Variants in RBP2 observed in about 807,000 individuals in gnomAD.
The protein encoded by RBP2 is retinol binding protein 2, also known as retinol-binding protein 2.
RBP2 carries 17 observed loss-of-function variants against 17.0 expected under a neutral mutation model. The ratio of observed to expected loss-of-function variants is 1.00; its 90% CI spans 0.68 to 1.50. The LOEUF is 1.50. Among genes scored for constraint, RBP2 ranks in the 40% most tolerant of loss-of-function variants. RBP2 has a pLI of 0.00. For synonymous variants in RBP2, 48 were observed against 57.1 expected, an observed-to-expected ratio of 0.84 and a Z score of 0.72; for missense variants, 158 against 168.2, an observed-to-expected ratio of 0.94 and a Z score of 0.33.
chr3:139,455,232 T>C (rs1312216469), intron 2 of RBP2, among the ~76,000 whole-genome samples: 1 of 152,128 alleles, frequency 6.6e-6, no homozygotes, highest in Non-Finnish European at 1.5e-5. Flanking sequence ...TTGATTTCCT[T>C]ATATATATAA....
chr3:139,467,438 A>G (rs73868221), intron 1 of RBP2, among the ~76,000 whole-genome samples: 1 of 152,186 alleles, frequency 6.6e-6, no homozygotes, highest in East Asian at 1.9e-4. Flanking sequence ...CCAAGTGATC[A>G]TGTGCATGCT....
intron 1 of RBP2, among the ~76,000 whole-genome samples, chr3:139,469,715 A>ATCTG: frequency 6.6e-6 from 1 of 151,636 alleles, no homozygotes; most frequent in Non-Finnish European, 1.5e-5. Flanking sequence ...CTATCTATCT[A>ATCTG]TCTATCTATC....
chr3:139,464,085 A>T (rs989514475), intron 1 of RBP2, among the ~76,000 whole-genome samples: 12 of 151,922 alleles, frequency 7.9e-5, no homozygotes, highest in Admixed American at 1.3e-4. Flanking sequence ...GAGATTGACG[A>T]CTCTGCTGTC....
chr3:139,454,783 C>A lies in RBP2; in HGVS notation c.300G>T (p.Gly100=), dbSNP rs752858880. Reference sequence around the variant, plus strand: ...GCTTCCAGCCGCGGTTCTCCTTCTCCCCCTTTTGCACACACACAAGGACAT... The same window carrying A: ...GCTTCCAGCCGCGGTTCTCCTTCTCACCCTTTTGCACACACACAAGGACAT... ...EGDVLVCVQK[G]EKENRGWKQW... The change falls in exon 3 of 4, where the codon GGG becomes GGT. Residue 100 remains glycine (G), a synonymous_variant. Coordinates refer to ENST00000232217, the MANE Select transcript of RBP2 (RefSeq NM_004164.3). 3.7e-6 allele frequency: 6 copies of A among 1,614,186 alleles called. No individual in the cohort carries two copies. Among genetic ancestry groups the A allele is most frequent in the Non-Finnish European group, 5.1e-6 (6 of 1,180,022 alleles).
chr3:139,457,282 A>G (rs1218303637), intron 2 of RBP2, among the ~76,000 whole-genome samples: 1 of 152,224 alleles, frequency 6.6e-6, no homozygotes, highest in Non-Finnish European at 1.5e-5. Context: ...GAGTGCACAC[A>G]CGTACATCAA....
Position 139,453,114 on chromosome 3 carries a change from C to A in RBP2, c.*2G>T. 1 of 1,614,138 alleles carries A rather than the reference C, an allele frequency of 6.2e-7. No homozygotes were observed. The highest frequency in any genetic ancestry group is 8.5e-7 in the Non-Finnish European group (1 of 1,180,024). The stretch of plus-strand genomic sequence containing the variant: ...GTGCTTGGCAGGCCTCCCACGTCGC[C>A]ATCATTTCTTTTTGAACACTTGACG... On this transcript the variant is annotated 3_prime_UTR_variant, in exon 4 of 4. Coordinates refer to ENST00000232217, the MANE Select transcript of RBP2 (RefSeq NM_004164.3).
In RBP2 at chr3:139,453,050, A is replaced by G; in HGVS notation, c.*66T>C. On this transcript the variant is annotated 3_prime_UTR_variant, in exon 4 of 4. Coordinates refer to ENST00000232217, the MANE Select transcript of RBP2 (RefSeq NM_004164.3). ...GGGAAGGTCCCCACAGCTGTTTCTCAAAGCCAGTAGACCACTCAGTGTGGG... is the reference window on the plus strand; with the variant it reads ...GGGAAGGTCCCCACAGCTGTTTCTCGAAGCCAGTAGACCACTCAGTGTGGG... The G allele has an allele frequency of 6.3e-7, 1 of 1,593,964 alleles. No homozygotes were observed. Among genetic ancestry groups the G allele is most frequent in the Non-Finnish European group, 8.6e-7 (1 of 1,161,754 alleles).
chr3:139,473,466 A>G (rs1933628116), intron 1 of RBP2, among the ~76,000 whole-genome samples: 2 of 152,354 alleles, frequency 1.3e-5, no homozygotes, highest in South Asian at 4.1e-4. Flanking sequence ...GCTAGGGGTT[A>G]AAGTATTAGA....
Position 139,452,991 on chromosome 3 carries a change from C to T in RBP2, c.*125G>A. The T allele has an allele frequency of 9.5e-7, 1 of 1,057,696 alleles. No individual in the cohort carries two copies. Among genetic ancestry groups the T allele is most frequent in the Non-Finnish European group, 1.5e-6 (1 of 686,716 alleles). 65.5% of individuals were successfully genotyped at this position (1,057,696 alleles called of 1,614,324 possible). The stretch of plus-strand genomic sequence containing the variant: ...CTACATAGGCATTCTGTTTAAAACC[C>T]ACCCAGATGCCTTAATGGGGCTCTG... On this transcript the variant is annotated 3_prime_UTR_variant, in exon 4 of 4. Coordinates refer to ENST00000232217, the MANE Select transcript of RBP2 (RefSeq NM_004164.3).
At chr3:139,468,239 C>G (rs758195975) in intron 1 of RBP2, among the ~76,000 whole-genome samples, 3 of 152,096 alleles carry the variant, frequency 2.0e-5, no homozygotes, top group Non-Finnish European at 4.4e-5. Flanking sequence ...TCAGAGCTAC[C>G]CAGTTAGGAT....
chr3:139,462,050 T>A, intron 2 of RBP2, 62 bp downstream of exon 2: 1 of 1,536,344 alleles, frequency 6.5e-7, no homozygotes, highest in Non-Finnish European at 8.8e-7. Flanking sequence ...TTCATCATGA[T>A]ACCAAATAGC....
rs955876851 is a variant in RBP2 at position 139,454,659 on chromosome 3, AC to A, written c.354+69del. 79 of 1,476,720 alleles carry A rather than the reference AC, an allele frequency of 5.3e-5. No homozygotes were observed. In the African/African-American group the frequency reaches 1.0e-3, roughly 19 times the overall value. The allele number at this position is 1,476,720 out of a possible 1,614,324, so 91.5% of individuals were successfully genotyped here. ...GCAGGGCCATTTTTCTTGTCAAAAC[AC>A]CTGGCTAGGTGACCACAGTAGCGTG... On this transcript the variant is annotated intron_variant, in intron 3 of 3. Coordinates refer to ENST00000232217, the MANE Select transcript of RBP2 (RefSeq NM_004164.3).
intron 2 of RBP2, among the ~76,000 whole-genome samples, chr3:139,461,301 G>C (rs1001985299): frequency 6.6e-6 from 1 of 152,140 alleles, no homozygotes; most frequent in African/African-American, 2.4e-5. Context: ...GCAAACTCAA[G>C]TTTTTGGGCT....
At position 139,458,250 on chromosome 3, in the gene RBP2, A is replaced by T. The variant is rs377422887; in HGVS notation, c.253-3420T>A. Among the ~76,000 whole-genome samples, 7 of 152,174 alleles carry T rather than the reference A, an allele frequency of 4.6e-5. No homozygotes were observed. The South Asian group carries it at 1.0e-3, about 23-fold the overall frequency. On this transcript the variant is annotated intron_variant, in intron 2 of 3. Transcript: ENST00000232217. ...AAGAGCATTGAAGGACAGTATTCAC[A>T]TGCTCAACCCTCCTTAGCGCACTTG...
chr3:139,466,051 C>CA (rs1418428554), intron 1 of RBP2, among the ~76,000 whole-genome samples: 1 of 151,748 alleles, frequency 6.6e-6, no homozygotes, highest in East Asian at 1.9e-4. Flanking sequence ...GTTTGGTGGT[C>CA]AAAAAAATGG....
At chr3:139,462,839 G>A (rs1165375727) in intron 1 of RBP2, among the ~76,000 whole-genome samples, 1 of 151,962 alleles carries the variant, frequency 6.6e-6, no homozygotes, top group Admixed American at 6.6e-5. Flanking sequence ...TTTGTTTTTT[G>A]TTTTGTTTTT....
At chr3:139,457,354 G>A (rs1933006318) in intron 2 of RBP2, among the ~76,000 whole-genome samples, 1 of 152,202 alleles carries the variant, frequency 6.6e-6, no homozygotes, top group African/African-American at 2.4e-5. Context: ...CTGAAGGCAG[G>A]AGAGGGCGTC....
At chr3:139,458,646 C>T (rs1490642541) in intron 2 of RBP2, among the ~76,000 whole-genome samples, 1 of 152,164 alleles carries the variant, frequency 6.6e-6, no homozygotes, top group Non-Finnish European at 1.5e-5. Flanking sequence ...TGTCTCTGGG[C>T]AACCACTTTC....
intron 2 of RBP2, among the ~76,000 whole-genome samples, chr3:139,456,922 T>C (rs1932992402): frequency 6.6e-6 from 1 of 152,194 alleles, no homozygotes; most frequent in South Asian, 2.1e-4. Context: ...GGAAGATGTC[T>C]GGAATAATAA....
Sources: gnomAD v4.1 joint callset for allele counts (sites outside exome capture counted in the v4.1 genomes callset) on GRCh38, gnomAD v4.1.1 for gene constraint, MANE v1.5 for transcripts, NCBI Gene and HGNC (gene_info 2026-07-23, HGNC 2026-07-21) for gene names.